RGSL1: variants seen among roughly 807,000 people sequenced by gnomAD.
RGSL1 encodes regulator of G protein signaling like 1, also known as regulator of G protein signaling protein-like.
RGSL1 carries 97 observed loss-of-function variants against 124.7 expected under a neutral mutation model. That is an observed-to-expected ratio of 0.78 (90% CI 0.66 to 0.92). The LOEUF (loss-of-function observed/expected upper bound fraction) is 0.92. Among genes scored for constraint, RGSL1 ranks in the 40% least tolerant of loss-of-function variants. The pLI, the probability that RGSL1 is intolerant of heterozygous loss-of-function variation, is 0.00. For missense variants in RGSL1, 1,233 were observed against 1,288.4 expected, an observed-to-expected ratio of 0.96 and a Z score of 0.66; for synonymous variants, 424 against 438.1, an observed-to-expected ratio of 0.97 and a Z score of 0.40.
Position 182,527,697 on chromosome 1 carries a change from G to A in RGSL1, c.2050G>A (p.Glu684Lys), listed in dbSNP as rs537460613. Residue 684 changes from glutamate to lysine, a missense_variant, in exon 11 of 22, where the codon GAG (glutamate) becomes AAG (lysine). Transcript: ENST00000294854. ...FLTAVQKISI[E>K]TNEKICKSLI... is the part of the protein sequence containing the mutation. The stretch of plus-strand genomic sequence containing the variant: ...CACAGCTGTACAGAAGATCAGTATA[G>A]AGACCAATGAAAAGATTTGCAAGTC... 5 of 1,551,194 alleles carry A rather than the reference G, an allele frequency of 3.2e-6. No individual in the cohort carries two copies. The highest frequency in any genetic ancestry group is 4.4e-6 in the Non-Finnish European group (5 of 1,146,726).
chr1:182,492,954 A>T (rs1655643728), intron 8 of RGSL1, 68 bp from the exon 9 acceptor site: 1 of 1,079,298 alleles, frequency 9.3e-7, no homozygotes. Context: ...CTTCAACAAA[A>T]GTATATGAAT....
At chr1:182,466,248 A>T (rs1187347290) in intron 4 of RGSL1, among the ~76,000 whole-genome samples, 1 of 152,142 alleles carries the variant, frequency 6.6e-6, no homozygotes, top group Non-Finnish European at 1.5e-5. Context: ...TTCCTCTAAG[A>T]TCAGGAATAG....
At chr1:182,521,831 C>T (rs888966365) in intron 9 of RGSL1, among the ~76,000 whole-genome samples, 173 bp from the exon 10 acceptor site, 1 of 152,192 alleles carries the variant, frequency 6.6e-6, no homozygotes, top group Non-Finnish European at 1.5e-5. Flanking sequence ...TCAGGGGTAT[C>T]AGTCATCCCT....
At chr1:182,464,691 T>C (rs1653132394) in intron 4 of RGSL1, among the ~76,000 whole-genome samples, 1 of 149,612 alleles carries the variant, frequency 6.7e-6, no homozygotes, top group Non-Finnish European at 1.5e-5. Flanking sequence ...GCCATTGCAC[T>C]CTAGCCTAGC....
intron 4 of RGSL1, among the ~76,000 whole-genome samples, chr1:182,471,729 G>A (rs942576829): frequency 5.3e-5 from 8 of 152,150 alleles, no homozygotes; most frequent in African/African-American, 1.7e-4. Context: ...CAAGGAACAC[G>A]TAAACAAATC....
chr1:182,513,268 G>C (rs1657601072), intron 9 of RGSL1, among the ~76,000 whole-genome samples: 1 of 152,226 alleles, frequency 6.6e-6, no homozygotes, highest in African/African-American at 2.4e-5. Context: ...ACAGAAGTCA[G>C]ATTCCTCCCC....
chr1:182,504,127 C>T (rs1007082844), intron 9 of RGSL1, among the ~76,000 whole-genome samples: 9 of 152,016 alleles, frequency 5.9e-5, no homozygotes, highest in Admixed American at 2.6e-4. Context: ...ACTACAGGTA[C>T]ACACCACCAT....
intron 15 of RGSL1, among the ~76,000 whole-genome samples, chr1:182,541,552 C>G (rs767316414): frequency 3.9e-5 from 6 of 152,130 alleles, no homozygotes; most frequent in Non-Finnish European, 7.4e-5. Flanking sequence ...GTGCAAATAT[C>G]TCTTCAACAT....
chr1:182,534,935 T>G (rs910516065), intron 14 of RGSL1, among the ~76,000 whole-genome samples: 1 of 152,170 alleles, frequency 6.6e-6, no homozygotes, highest in Non-Finnish European at 1.5e-5. Flanking sequence ...TCTTTGACTT[T>G]CCACTTCCCC....
intron 6 of RGSL1, among the ~76,000 whole-genome samples, chr1:182,481,121 A>T (rs1171691277): frequency 6.6e-6 from 1 of 152,166 alleles, no homozygotes; most frequent in Non-Finnish European, 1.5e-5. Flanking sequence ...AATAAATGAA[A>T]TGGAGAATAG....
At chr1:182,487,214 C>A (rs377144754) in intron 6 of RGSL1, among the ~76,000 whole-genome samples, 3 of 152,166 alleles carry the variant, frequency 2.0e-5, no homozygotes, top group South Asian at 4.1e-4. Flanking sequence ...TCCCTAAACT[C>A]ACCTTTTCGC....
At chr1:182,518,435 C>T (rs896855602) in intron 9 of RGSL1, among the ~76,000 whole-genome samples, 1 of 152,182 alleles carries the variant, frequency 6.6e-6, no homozygotes, top group African/African-American at 2.4e-5. Context: ...AAACCTCCTA[C>T]AGTGTGATGT....
intron 4 of RGSL1, among the ~76,000 whole-genome samples, chr1:182,468,595 C>T (rs2102021741): frequency 1.3e-5 from 2 of 152,180 alleles, no homozygotes; most frequent in East Asian, 3.9e-4. Context: ...GGAAGGGGAA[C>T]ATCACACCCT....
At chr1:182,518,678 T>C (rs1306899732) in intron 9 of RGSL1, among the ~76,000 whole-genome samples, 1 of 152,080 alleles carries the variant, frequency 6.6e-6, no homozygotes, top group Non-Finnish European at 1.5e-5. Context: ...AAACAGCAAG[T>C]TGGGGGAAAA....
At chr1:182,491,362 C>T (rs1231690177) in intron 8 of RGSL1, among the ~76,000 whole-genome samples, 1 of 151,956 alleles carries the variant, frequency 6.6e-6, no homozygotes, top group Non-Finnish European at 1.5e-5. Context: ...ATTACAGGCA[C>T]CCGCCACCAT....
rs1337288763 is a variant in RGSL1, at chr1:182,556,013, T to G, written c.3198-11T>G. The G allele has an allele frequency of 1.3e-6, 2 of 1,550,650 alleles. No individual in the cohort carries two copies. The highest frequency in any genetic ancestry group is 1.7e-6 in the Non-Finnish European group (2 of 1,146,080). Reference sequence around the variant, plus strand: ...ATAATTGTGATAACTGGCTGTTTTCTCTCCCTTCAGACAAAAATTATCCTA... The same window carrying G: ...ATAATTGTGATAACTGGCTGTTTTCGCTCCCTTCAGACAAAAATTATCCTA... On this transcript the variant is annotated splice_polypyrimidine_tract_variant and intron_variant, in intron 20 of 21. Transcript: ENST00000294854.
chr1:182,537,694 T>C (rs1430132981), intron 14 of RGSL1, among the ~76,000 whole-genome samples: 1 of 152,210 alleles, frequency 6.6e-6, no homozygotes, highest in Non-Finnish European at 1.5e-5. Flanking sequence ...TCCTTGGTAT[T>C]CTACTAGATT....
intron 9 of RGSL1, among the ~76,000 whole-genome samples, chr1:182,515,574 C>G (rs866994722): frequency 2.3e-4 from 29 of 126,070 alleles, no homozygotes; most frequent in African/African-American, 4.0e-4. Flanking sequence ...GGGTGGAGGG[C>G]GTGGGGGAAG....
At chr1:182,487,915 G>A (rs902854014) in intron 6 of RGSL1, among the ~76,000 whole-genome samples, 3 of 152,302 alleles carry the variant, frequency 2.0e-5, no homozygotes, top group African/African-American at 7.2e-5. Context: ...GGAGATATGA[G>A]TAGACACACC....
Sources: allele counts gnomAD v4.1 joint callset (sites outside exome capture counted in the v4.1 genomes callset), GRCh38; gene constraint gnomAD v4.1.1; transcripts MANE v1.5; gene names NCBI Gene and HGNC (gene_info 2026-07-23, HGNC 2026-07-21).